Variants in OPA1 observed in about 807,000 individuals in gnomAD.
The protein encoded by OPA1 is dynamin-like GTPase OPA1, mitochondrial.
Under a neutral mutation model 152.9 loss-of-function variants are expected in OPA1, and 59 were observed. The ratio of observed to expected loss-of-function variants is 0.39; its 90% CI spans 0.31 to 0.48. OPA1 has a LOEUF of 0.48. OPA1 is among the 20% of genes least tolerant of loss of function. OPA1 has a pLI of 0.96. For synonymous variants in OPA1, 400 were observed against 389.9 expected (o/e 1.03, Z -0.31); for missense variants, 1,008 against 1,216.8 (o/e 0.83, Z 2.55).
At chr3:193,662,674 G>A in intron 25 of OPA1, 148 bp from the exon 26 acceptor site, 1 of 703,162 alleles carries the variant, frequency 1.4e-6, no homozygotes, top group South Asian at 1.9e-5. Context: ...GGGGTGCTGT[G>A]TTCTTTCTTG....
intron 21 of OPA1, among the ~76,000 whole-genome samples, chr3:193,654,110 T>C (rs544368438): frequency 1.3e-5 from 2 of 152,184 alleles, no homozygotes; most frequent in Non-Finnish European, 2.9e-5. Context: ...GCTTTATTTG[T>C]AGTAGCCAAA....
At chr3:193,598,388 T>C (rs1317170099) in intron 1 of OPA1, among the ~76,000 whole-genome samples, 15 of 152,212 alleles carry the variant, frequency 9.9e-5, no homozygotes, top group Non-Finnish European at 4.4e-5. Context: ...AGAAGAGCTC[T>C]TCTAGCAGAG....
chr3:193,614,879 T>C lies in OPA1; in HGVS notation c.189T>C (p.Ser63=), dbSNP rs1432723118. 4.3e-6 allele frequency: 7 copies of C among 1,614,120 alleles called. No individual in the cohort carries two copies. Among genetic ancestry groups the C allele is most frequent in the Non-Finnish European group, 5.9e-6 (7 of 1,179,954 alleles). Residue 63 remains serine (S), a synonymous_variant, in exon 2 of 31, where the codon TCT becomes TCC. Coordinates refer to ENST00000361510, the MANE Select transcript of OPA1 (RefSeq NM_130837.3). ...TAAGGACATCCTTTCAGCAGTTCTC[T>C]TCTCTGACAAACCTTCCTTTACGTA... ...PQLRTSFQQF[S]SLTNLPLRKL... is the part of the protein sequence containing the mutation.
At position 193,696,685 on chromosome 3, in the gene OPA1, A is replaced by C. The variant is rs188723303; in HGVS notation, c.*2085A>C. 6.6e-6 allele frequency: 1 copy of C among 152,358 alleles called. No homozygotes were observed. The highest frequency in any genetic ancestry group is 6.5e-5 in the Admixed American group (1 of 15,310). 9.4% of individuals were successfully genotyped at this position (152,358 alleles called of 1,614,324 possible). ...TCAGAAATGATTCTAATTTAAACAA[A>C]AAGATACTAAATATACAGAAGTTAA... On this transcript the variant is annotated 3_prime_UTR_variant, in exon 31 of 31. Coordinates refer to ENST00000361510, the MANE Select transcript of OPA1 (RefSeq NM_130837.3).
At chr3:193,657,051 A>G (rs1030906629) in intron 22 of OPA1, 29 bp from the exon 23 acceptor site, 1 of 1,593,162 alleles carries the variant, frequency 6.3e-7, no homozygotes, top group Non-Finnish European at 8.5e-7. Flanking sequence ...TAGTAATAAT[A>G]TGGCTTTTTT....
intron 29 of OPA1, among the ~76,000 whole-genome samples, chr3:193,680,578 ATGCCTACCTCTTTAAGAGC>A (rs1719976328): frequency 6.6e-6 from 1 of 152,238 alleles, no homozygotes; most frequent in South Asian, 2.1e-4. Context: ...GTGATAAATG[ATGCCTACCTCTTTAAGAGC>A]TGCCTGGGTG....
At chr3:193,634,119 A>T (rs1409168928) in intron 8 of OPA1, among the ~76,000 whole-genome samples, 1 of 152,132 alleles carries the variant, frequency 6.6e-6, no homozygotes, top group Non-Finnish European at 1.5e-5. Context: ...TAAAAGGCAT[A>T]TTATAAGTTG....
At chr3:193,679,460 G>T (rs1719775922) in intron 29 of OPA1, among the ~76,000 whole-genome samples, 1 of 151,990 alleles carries the variant, frequency 6.6e-6, no homozygotes, top group Non-Finnish European at 1.5e-5. Flanking sequence ...TTGTCCATGT[G>T]TGTCTGTAAA....
intron 29 of OPA1, chr3:193,689,061 A>G (rs1721330278): frequency 6.6e-6 from 1 of 152,176 alleles, no homozygotes. Flanking sequence ...TAATGTCCTC[A>G]TATTTAGCAA....
intron 8 of OPA1, among the ~76,000 whole-genome samples, chr3:193,634,220 A>G (rs1431673105): frequency 2.0e-5 from 3 of 152,050 alleles, no homozygotes; most frequent in Non-Finnish European, 4.4e-5. Flanking sequence ...AAAGCTGGGA[A>G]GACAAATTAG....
chr3:193,640,602 G>C (rs2109027061), intron 11 of OPA1, among the ~76,000 whole-genome samples: 1 of 152,348 alleles, frequency 6.6e-6, no homozygotes, highest in African/African-American at 2.4e-5. Flanking sequence ...GGAAGAAAAA[G>C]TGAAGTCTGT....
chr3:193,666,507 G>A, intron 28 of OPA1, 118 bp downstream of exon 28: 2 of 883,952 alleles, frequency 2.3e-6, no homozygotes, highest in Non-Finnish European at 3.6e-6. Flanking sequence ...AGAAAAACTG[G>A]CCAGGTGTGG....
chr3:193,653,213 ACT>A (rs1343687912), intron 21 of OPA1, among the ~76,000 whole-genome samples: 2 of 152,078 alleles, frequency 1.3e-5, no homozygotes, highest in Admixed American at 6.6e-5. Flanking sequence ...TCCTCCTCAG[ACT>A]CTGATTTCTT....
chr3:193,680,661 A>G (rs1465104410), intron 29 of OPA1, among the ~76,000 whole-genome samples: 1 of 152,222 alleles, frequency 6.6e-6, no homozygotes, highest in Non-Finnish European at 1.5e-5. Context: ...TCAGGGAAAA[A>G]TACAATTTTA....
rs1722282719 is a variant in OPA1, at chr3:193,696,759, G to A, written c.*2159G>A. On this transcript the variant is annotated 3_prime_UTR_variant, in exon 31 of 31. Transcript: ENST00000361510. Reference sequence around the variant, plus strand: ...TTGTTTTTATGTCAGAATTTGCAAAGAGTGGAGTGGACAAAGCTCTGTATG... The same window carrying A: ...TTGTTTTTATGTCAGAATTTGCAAAAAGTGGAGTGGACAAAGCTCTGTATG... The A allele has an allele frequency of 6.6e-6, 1 of 152,220 alleles. No homozygotes were observed. The allele number at this position is 152,220 out of a possible 1,614,324, so 9.4% of individuals were successfully genotyped here. A position where few individuals can be genotyped will look rare whatever the true frequency, so the allele number is the denominator to read the frequency against.
intron 5 of OPA1, among the ~76,000 whole-genome samples, chr3:193,618,254 G>A (rs1053763564): frequency 2.0e-5 from 3 of 152,182 alleles, no homozygotes; most frequent in South Asian, 2.1e-4. Flanking sequence ...CAAGGCAGGC[G>A]GATCATGAGG....
At chr3:193,673,814 G>A (rs1718433345) in intron 29 of OPA1, among the ~76,000 whole-genome samples, 1 of 152,218 alleles carries the variant, frequency 6.6e-6, no homozygotes, top group South Asian at 2.1e-4. Flanking sequence ...GAAAACAGTG[G>A]TAAATTCCTT....
intron 1 of OPA1, among the ~76,000 whole-genome samples, chr3:193,608,082 G>C (rs1270268015): frequency 6.6e-6 from 1 of 152,012 alleles, no homozygotes; most frequent in African/African-American, 2.4e-5. Flanking sequence ...TGGTATATAA[G>C]AATGCTCTCT....
intron 29 of OPA1, chr3:193,668,645 C>A (rs1345367221): frequency 6.6e-7 from 1 of 1,509,360 alleles, no homozygotes; most frequent in Non-Finnish European, 8.9e-7. Context: ...CAGATACTCT[C>A]CTCAGTACTG....
Sources: gnomAD v4.1 joint callset for allele counts (sites outside exome capture counted in the v4.1 genomes callset) on GRCh38, gnomAD v4.1.1 for gene constraint, MANE v1.5 for transcripts, NCBI Gene and HGNC (gene_info 2026-07-23, HGNC 2026-07-21) for gene names.